TRANK1: variants seen among roughly 807,000 people sequenced by gnomAD.
TRANK1 encodes tetratricopeptide repeat and ankyrin repeat containing 1.
TRANK1 carries 198 observed loss-of-function variants against 266.0 expected under a neutral mutation model. The ratio of observed to expected loss-of-function variants is 0.74; its 90% CI spans 0.66 to 0.84. The LOEUF is 0.84. TRANK1 is among the 40% of genes least tolerant of loss of function. TRANK1 has a pLI of 0.00. For missense variants in TRANK1, 3,326 were observed against 3,634.6 expected, an observed-to-expected ratio of 0.92 and a Z score of 2.18; for synonymous variants, 1,396 against 1,384.1, an observed-to-expected ratio of 1.01 and a Z score of -0.19.
rs777840940 is a variant in TRANK1, at chr3:36,833,060, T to G, written c.6523A>C (p.Arg2175=). ...KLALNKHLLG[R]LCQITRSLLG... The stretch of plus-strand genomic sequence containing the variant: ...AGGCTCCGTGTGATCTGACACAGCC[T>G]GCCCAAAAGGTGTTTGTTTAGGGCT... Residue 2175 remains arginine (R), a synonymous_variant, in exon 22 of 24, where the codon AGG becomes CGG. Transcript: ENST00000645898. The G allele has an allele frequency of 6.2e-7, 1 of 1,613,028 alleles. No homozygotes were observed. Among genetic ancestry groups the G allele is most frequent in the African/African-American group, 1.3e-5 (1 of 75,048 alleles).
chr3:36,861,761 A>G (rs1322020982), intron 10 of TRANK1, among the ~76,000 whole-genome samples: 1 of 147,264 alleles, frequency 6.8e-6, no homozygotes, highest in Non-Finnish European at 1.5e-5. Context: ...GCTGGAATAC[A>G]GTGGCGCGAT....
At chr3:36,916,998 T>G (rs1020720483) in intron 1 of TRANK1, among the ~76,000 whole-genome samples, 2 of 152,044 alleles carry the variant, frequency 1.3e-5, no homozygotes, top group African/African-American at 4.8e-5. Context: ...TAATTTTTAG[T>G]AGAGACAGAG....
chr3:36,904,058 AAGCACTTCTGCCTC>A (rs2079924669), intron 2 of TRANK1, among the ~76,000 whole-genome samples: 1 of 151,814 alleles, frequency 6.6e-6, no homozygotes, highest in East Asian at 2.0e-4. Context: ...TCCTGGGTTC[AAGCACTTCTGCCTC>A]AGCCTCCCGA....
In TRANK1 at chr3:36,857,542, G is replaced by C. The variant is rs752868042; in HGVS notation, c.2180C>G (p.Ser727Trp). The change falls in exon 13 of 24, where the codon TCG (serine) becomes TGG (tryptophan). Residue 727 changes from serine to tryptophan, a missense_variant. Transcript: ENST00000645898. The surrounding 1 kb of genome is among the most constrained non-coding windows in gnomAD (Gnocchi z 4.3). ...RKEPGALRPCSLRDCLMQDIT... is the reference protein window; with the variant it reads ...RKEPGALRPCWLRDCLMQDIT... The stretch of plus-strand genomic sequence containing the variant: ...GTCCTGCATAAGGCAGTCTCTCAGC[G>C]AGCAGGGCCTGAGAGCTCCAGGCTC... 6.2e-7 allele frequency: 1 copy of C among 1,614,012 alleles called. No individual in the cohort carries two copies. The highest frequency in any genetic ancestry group is 1.7e-5 in the Admixed American group (1 of 60,020).
chr3:36,834,970 C>T (rs2078747912), intron 20 of TRANK1, 63 bp from the exon 21 acceptor site: 1 of 1,420,188 alleles, frequency 7.0e-7, no homozygotes. Context: ...AATCTTAAAC[C>T]AATACCACAA....
intron 1 of TRANK1, among the ~76,000 whole-genome samples, chr3:36,928,106 G>T (rs890327729): frequency 1.3e-5 from 2 of 152,156 alleles, no homozygotes; most frequent in African/African-American, 4.8e-5. Context: ...CTAGTTTCTT[G>T]CCCCATAGCT....
Position 36,832,577 on chromosome 3 carries a change from C to A in TRANK1, c.7006G>T (p.Ala2336Ser). The A allele has an allele frequency of 1.2e-6, 2 of 1,614,038 alleles. No homozygotes were observed. Among genetic ancestry groups the A allele is most frequent in the Non-Finnish European group, 1.7e-6 (2 of 1,179,914 alleles). ...STDLWLSAMQ[A>S]FLLSSNYPEE... is the part of the protein sequence containing the mutation. The stretch of plus-strand genomic sequence containing the variant: ...GGGTAGTTGGAAGAGAGAAGGAAAG[C>A]TTGCATGGCACTCAGCCACAGGTCT... Residue 2336 changes from alanine to serine, a missense_variant, in exon 22 of 24, where the codon GCT (alanine) becomes TCT (serine). Coordinates refer to ENST00000645898, the MANE Select transcript of TRANK1 (RefSeq NM_001329998.2).
chr3:36,888,014 G>C (rs1408369723), intron 8 of TRANK1, among the ~76,000 whole-genome samples: 2 of 152,014 alleles, frequency 1.3e-5, no homozygotes, highest in Admixed American at 6.6e-5. Flanking sequence ...TATCTAGCTG[G>C]GAAAAATGAA....
chr3:36,855,895 C>T lies in TRANK1; in HGVS notation c.3827G>A (p.Gly1276Glu). The T allele has an allele frequency of 6.2e-7, 1 of 1,613,646 alleles. No homozygotes were observed. Among genetic ancestry groups the T allele is most frequent in the Non-Finnish European group, 8.5e-7 (1 of 1,179,842 alleles). ...GGTTGACTCTTCCTGTGCAGACCAT[C>T]CTATGATGGTTCTTTTCAAGCTTCC... ...EDGSLKRTIIGWSAQEESTIP... is the reference protein window; with the variant it reads ...EDGSLKRTIIEWSAQEESTIP... Residue 1276 changes from glycine (G) to glutamate (E), a missense_variant, in exon 13 of 24, where the codon GGA (glycine) becomes GAA (glutamate). Physicochemically the swap from Gly to Glu is moderately conservative, Grantham distance 98. Transcript: ENST00000645898.
intron 15 of TRANK1, among the ~76,000 whole-genome samples, chr3:36,848,702 A>G (rs1286543082): frequency 6.6e-6 from 1 of 152,232 alleles, no homozygotes; most frequent in Non-Finnish European, 1.5e-5. Context: ...AAATCATGAA[A>G]TCACTTAGGT....
At chr3:36,930,460 T>G (rs2080346641) in intron 1 of TRANK1, among the ~76,000 whole-genome samples, 1 of 152,152 alleles carries the variant, frequency 6.6e-6, no homozygotes, top group Admixed American at 6.5e-5. Context: ...AGCCCACACT[T>G]CTAACCTATG....
chr3:36,851,498 CA>C (rs1350514973), intron 15 of TRANK1: 3 of 1,249,884 alleles, frequency 2.4e-6, no homozygotes, highest in East Asian at 6.5e-5. Flanking sequence ...GGGCAGGGCA[CA>C]GGGGGAACTA....
intron 11 of TRANK1, 54 bp from the exon 12 acceptor site, chr3:36,858,948 T>C: frequency 6.9e-7 from 1 of 1,452,206 alleles, no homozygotes; most frequent in South Asian, 1.4e-5. Flanking sequence ...CTGGCTCGCC[T>C]GACGAGAGAA....
chr3:36,890,110 C>A, intron 7 of TRANK1, 150 bp from the exon 8 acceptor site: 1 of 1,048,346 alleles, frequency 9.5e-7, no homozygotes, highest in Admixed American at 2.8e-5. Flanking sequence ...AATGAGGAAT[C>A]CAACATACGT....
chr3:36,840,311 G>T (rs919327477), intron 18 of TRANK1, among the ~76,000 whole-genome samples: 1 of 152,022 alleles, frequency 6.6e-6, no homozygotes, highest in African/African-American at 2.4e-5. Context: ...ACAAGGATGG[G>T]CAGTGAAGAA....
At chr3:36,927,441 T>C (rs898027827) in intron 1 of TRANK1, among the ~76,000 whole-genome samples, 2 of 152,182 alleles carry the variant, frequency 1.3e-5, no homozygotes, top group African/African-American at 4.8e-5. Context: ...CTTACAATCT[T>C]CCTTCACCCA....
At chr3:36,911,746 G>GA (rs995233909) in intron 1 of TRANK1, among the ~76,000 whole-genome samples, 55 of 152,082 alleles carry the variant, frequency 3.6e-4, no homozygotes, top group African/African-American at 1.3e-3. Context: ...TTAAAAAAAA[G>GA]AAAAAACTGA....
chr3:36,916,380 A>G (rs2080124593), intron 1 of TRANK1, among the ~76,000 whole-genome samples: 1 of 152,160 alleles, frequency 6.6e-6, no homozygotes, highest in Admixed American at 6.5e-5. Context: ...CCTGACCAAC[A>G]TGGTGAAACT....
intron 11 of TRANK1, 106 bp from the exon 12 acceptor site, chr3:36,859,000 T>G: frequency 7.8e-7 from 1 of 1,288,316 alleles, no homozygotes; most frequent in South Asian, 1.7e-5. Context: ...GAGCTAATGT[T>G]TACCTAACTT....
Sources: allele counts gnomAD v4.1 joint callset (sites outside exome capture counted in the v4.1 genomes callset), GRCh38; gene constraint gnomAD v4.1.1; non-coding constraint Gnocchi (gnomAD v3.1); transcripts MANE v1.5; gene names NCBI Gene and HGNC (gene_info 2026-07-23, HGNC 2026-07-21).